GREM2: variants seen among roughly 807,000 people sequenced by gnomAD.
GREM2 encodes gremlin 2, DAN family BMP antagonist, also known as gremlin-2.
A neutral mutation model predicts 14.2 loss-of-function variants in GREM2; 11 were observed. The ratio of observed to expected loss-of-function variants is 0.78; its 90% CI spans 0.49 to 1.28. The LOEUF is 1.28. Ranked by LOEUF, GREM2 falls within the 50% of genes most tolerant of loss-of-function variation. The pLI is 0.00. For missense variants in GREM2, 210 were observed against 218.5 expected, an observed-to-expected ratio of 0.96 and a Z score of 0.24; for synonymous variants, 98 against 97.6, an observed-to-expected ratio of 1.00 and a Z score of -0.02.
intron 1 of GREM2, among the ~76,000 whole-genome samples, chr1:240,545,172 C>A (rs1017136655): frequency 5.3e-5 from 8 of 152,200 alleles, no homozygotes; most frequent in African/African-American, 1.7e-4. Context: ...ATCCTCCAAC[C>A]ACTGGGAAAG....
intron 1 of GREM2, among the ~76,000 whole-genome samples, chr1:240,571,792 G>T (rs1679267556): frequency 6.6e-6 from 1 of 152,092 alleles, no homozygotes; most frequent in Non-Finnish European, 1.5e-5. Context: ...ACTTTTCAGG[G>T]GTGCTTAGTG....
intron 1 of GREM2, among the ~76,000 whole-genome samples, chr1:240,570,326 G>A (rs969383939): frequency 6.6e-5 from 10 of 152,086 alleles, no homozygotes; most frequent in Non-Finnish European, 1.3e-4. Context: ...GCCAGGCATG[G>A]TGGCGCGTGC....
At chr1:240,499,783 A>G (rs1266775148) in intron 1 of GREM2, among the ~76,000 whole-genome samples, 2 of 152,168 alleles carry the variant, frequency 1.3e-5, no homozygotes, top group African/African-American at 4.8e-5. Flanking sequence ...CTGTTTTGTA[A>G]ATAAAGTTAT....
At position 240,491,487 on chromosome 1, in the gene GREM2, T is replaced by C. The variant is rs1319033211; in HGVS notation, c.*1482A>G. ...GTATATAATTTCGCTGGAAAATAAGTTACGTCTACTTCCGTATATCAAGAG... is the reference window on the plus strand; with the variant it reads ...GTATATAATTTCGCTGGAAAATAAGCTACGTCTACTTCCGTATATCAAGAG... On this transcript the variant is annotated 3_prime_UTR_variant, in exon 2 of 2. Transcript: ENST00000318160. The C allele has an allele frequency of 6.6e-6, 1 of 152,618 alleles. No homozygotes were observed. The highest frequency in any genetic ancestry group is 1.5e-5 in the Non-Finnish European group (1 of 68,044). The allele number at this position is 152,618 out of a possible 1,614,324, so 9.5% of individuals were successfully genotyped here. A position where few individuals can be genotyped will look rare whatever the true frequency, so the allele number is the denominator to read the frequency against.
Position 240,493,424 on chromosome 1 carries a change from C to T in GREM2, c.52G>A (p.Val18Met). Residue 18 changes from valine (V) to methionine (M), a missense_variant, in exon 2 of 2, where the codon GTG becomes ATG. Coordinates refer to ENST00000318160, the MANE Select transcript of GREM2 (RefSeq NM_022469.4). ...GGCCGGTTCTTCCGGGCTTCCGCCA[C>T]CTTCACCAGCACCGCCACCAGGAAC... ...SLFLVAVLVK[V>M]AEARKNRPAG... 6.2e-7 allele frequency: 1 copy of T among 1,612,402 alleles called. No individual in the cohort carries two copies. The highest frequency in any genetic ancestry group is 8.5e-7 in the Non-Finnish European group (1 of 1,179,386).
In GREM2 at chr1:240,490,492, A is replaced by C. The variant is rs1219746555; in HGVS notation, c.*2477T>G. 6.5e-6 allele frequency: 1 copy of C among 152,684 alleles called. No homozygotes were observed. The highest frequency in any genetic ancestry group is 1.5e-5 in the Non-Finnish European group (1 of 68,054). 9.5% of individuals were successfully genotyped at this position (152,684 alleles called of 1,614,324 possible). A position where few individuals can be genotyped will look rare whatever the true frequency, so the allele number is the denominator to read the frequency against. ...TTTTATGGCACGTCACACCGGGATC[A>C]CATATAATCCTAGATTATCTTTATT... On this transcript the variant is annotated 3_prime_UTR_variant, in exon 2 of 2. Coordinates refer to ENST00000318160, the MANE Select transcript of GREM2 (RefSeq NM_022469.4).
chr1:240,527,857 G>A lies in GREM2; in HGVS notation c.-1-34381C>T, dbSNP rs535108361. 2.6e-4 allele frequency among the ~76,000 whole-genome samples: 40 copies of A among 152,230 alleles called. 1 individual carries two copies. The highest frequency in any genetic ancestry group is 9.1e-4 in the African/African-American group (38 of 41,542). On this transcript the variant is annotated intron_variant, in intron 1 of 1. Coordinates refer to ENST00000318160, the MANE Select transcript of GREM2 (RefSeq NM_022469.4). ...TTTCTATCTTTGTTTATTCCACCAC[G>A]CAGTATGTAAAATTACAAAACAAAC...
chr1:240,538,850 A>C (rs1006865026), intron 1 of GREM2, among the ~76,000 whole-genome samples: 2 of 152,242 alleles, frequency 1.3e-5, no homozygotes, highest in Non-Finnish European at 2.9e-5. Flanking sequence ...CTCTCCCAAA[A>C]TGAATCAGAA....
intron 1 of GREM2, among the ~76,000 whole-genome samples, chr1:240,514,719 T>C (rs1173782169): frequency 6.6e-6 from 1 of 152,098 alleles, no homozygotes; most frequent in Non-Finnish European, 1.5e-5. Context: ...GGCAACATGG[T>C]GAAACACCAT....
chr1:240,556,586 A>T (rs1016038709), intron 1 of GREM2, among the ~76,000 whole-genome samples: 5 of 152,210 alleles, frequency 3.3e-5, no homozygotes, highest in African/African-American at 1.2e-4. Flanking sequence ...CTAAAAGAAA[A>T]GAGAAATATT....
chr1:240,522,767 C>T lies in GREM2; in HGVS notation c.-1-29291G>A, dbSNP rs184242631. On this transcript the variant is annotated intron_variant, in intron 1 of 1. Coordinates refer to ENST00000318160, the MANE Select transcript of GREM2 (RefSeq NM_022469.4). The stretch of plus-strand genomic sequence containing the variant: ...TCACTCTATTGTTTGGAGTTCCTTT[C>T]CAGGAAAGAACACTTCATCTATCTC... Among the ~76,000 whole-genome samples, 62 of 152,242 alleles carry T rather than the reference C, an allele frequency of 4.1e-4. 1 individual carries two copies. The highest frequency in any genetic ancestry group is 7.5e-4 in the Non-Finnish European group (51 of 68,016).
At chr1:240,547,534 T>TATATATATAGAC (rs1491511748) in intron 1 of GREM2, among the ~76,000 whole-genome samples, 1 of 119,396 alleles carries the variant, frequency 8.4e-6, no homozygotes, top group African/African-American at 3.6e-5. Context: ...TATATATATA[T>TATATATATAGAC]AGATAGATAG....
At chr1:240,534,894 T>G (rs4589097) in intron 1 of GREM2, among the ~76,000 whole-genome samples, 2,154 of 152,098 alleles carry the variant, frequency 0.014, 52 homozygotes, top group African/African-American at 0.048. Context: ...TTTCGAAAAT[T>G]TGGTGACGCC....
chr1:240,551,447 C>G (rs1678849300), intron 1 of GREM2, among the ~76,000 whole-genome samples: 1 of 152,134 alleles, frequency 6.6e-6, no homozygotes, highest in Non-Finnish European at 1.5e-5. Context: ...CTCCTGGGTT[C>G]AAGCAGTTCT....
intron 1 of GREM2, among the ~76,000 whole-genome samples, chr1:240,563,168 TGA>T (rs1031863749): frequency 2.6e-5 from 4 of 151,468 alleles, no homozygotes; most frequent in Admixed American, 6.6e-5. Context: ...TGTGTACGTG[TGA>T]GTGTGTGTAT....
intron 1 of GREM2, among the ~76,000 whole-genome samples, chr1:240,608,038 G>C (rs765834892): frequency 2.6e-5 from 4 of 152,176 alleles, no homozygotes; most frequent in Non-Finnish European, 4.4e-5. Context: ...ATTATACAAA[G>C]AGACTCAATA....
intron 1 of GREM2, among the ~76,000 whole-genome samples, chr1:240,552,353 G>C (rs149372412): frequency 1.3e-5 from 2 of 152,250 alleles, no homozygotes; most frequent in East Asian, 3.9e-4. Context: ...GGCTGAGGTG[G>C]GGGGGTCGCT....
At chr1:240,504,120 A>G (rs1677630421) in intron 1 of GREM2, among the ~76,000 whole-genome samples, 1 of 152,346 alleles carries the variant, frequency 6.6e-6, no homozygotes, top group African/African-American at 2.4e-5. Context: ...TAATCACAAT[A>G]ATTTAATGCC....
chr1:240,512,778 G>T (rs1677861803), intron 1 of GREM2, among the ~76,000 whole-genome samples: 1 of 152,110 alleles, frequency 6.6e-6, no homozygotes, highest in African/African-American at 2.4e-5. Flanking sequence ...GACAGAATTT[G>T]TTATACATTT....
Sources: allele counts gnomAD v4.1 joint callset (sites outside exome capture counted in the v4.1 genomes callset), GRCh38; gene constraint gnomAD v4.1.1; transcripts MANE v1.5; gene names NCBI Gene and HGNC (gene_info 2026-07-23, HGNC 2026-07-21).